Variants in FAM227B observed in about 807,000 individuals in gnomAD.
FAM227B encodes family with sequence similarity 227 member B.
A neutral mutation model predicts 73.8 loss-of-function variants in FAM227B; 88 were observed. The ratio of observed to expected loss-of-function variants is 1.19; its 90% CI spans 1.00 to 1.42. The LOEUF is 1.42. Ranked by LOEUF, FAM227B falls within the 40% of genes most tolerant of loss-of-function variation. FAM227B has a pLI of 0.00. For missense variants in FAM227B, 632 were observed against 590.9 expected, an observed-to-expected ratio of 1.07 and a Z score of -0.72; for synonymous variants, 210 against 190.5, an observed-to-expected ratio of 1.10 and a Z score of -0.84.
At chr15:49,355,713 A>C (rs2043038572) in intron 13 of FAM227B, among the ~76,000 whole-genome samples, 1 of 151,016 alleles carries the variant, frequency 6.6e-6, no homozygotes, top group Admixed American at 6.6e-5. Flanking sequence ...AGGCAGGCCA[A>C]CGTTCAGATT....
At chr15:49,476,596 T>C (rs947539762) in intron 11 of FAM227B, among the ~76,000 whole-genome samples, 7 of 131,282 alleles carry the variant, frequency 5.3e-5, no homozygotes, top group Admixed American at 1.6e-4. Context: ...ACATTTTTAA[T>C]AGTAATTAAT....
At chr15:49,472,409 G>C (rs1206446821) in intron 11 of FAM227B, among the ~76,000 whole-genome samples, 1 of 152,080 alleles carries the variant, frequency 6.6e-6, no homozygotes, top group African/African-American at 2.4e-5. Flanking sequence ...GCTTCTGCTG[G>C]GTACCTTTTA....
Position 49,516,453 on chromosome 15 carries a change from T to C in FAM227B, c.875-8105A>G, listed in dbSNP as rs552666707. Among the ~76,000 whole-genome samples, 27 of 152,096 alleles carry C rather than the reference T, an allele frequency of 1.8e-4. No homozygotes were observed. The South Asian group carries it at 5.2e-3, about 29-fold the overall frequency. On this transcript the variant is annotated intron_variant, in intron 10 of 15. Transcript: ENST00000299338. ...CTGCTTGGTGGCTACTTTTTAAAAA[T>C]AGATTTTGGATTGGTGCCTACAACT...
At chr15:49,440,118 T>C (rs557423970) in intron 11 of FAM227B, among the ~76,000 whole-genome samples, 2 of 151,890 alleles carry the variant, frequency 1.3e-5, no homozygotes, top group East Asian at 3.9e-4. Flanking sequence ...ACATCACGAA[T>C]TAGTGGCAGT....
intron 11 of FAM227B, among the ~76,000 whole-genome samples, chr15:49,432,895 C>G (rs559686370): frequency 5.3e-5 from 8 of 151,404 alleles, no homozygotes; most frequent in Non-Finnish European, 8.9e-5. Context: ...TTTGGGCCAC[C>G]GATAAACTAA....
Position 49,331,863 on chromosome 15 carries a change from A to G in FAM227B, c.1350-14T>C. ...TTTGCTTGGAGTCTAATCATGGAAT[A>G]AAGAAAATCAGTAACCAAACTAATT... On this transcript the variant is annotated splice_polypyrimidine_tract_variant and intron_variant, in intron 14 of 15. Transcript: ENST00000299338. 1.3e-6 allele frequency: 2 copies of G among 1,548,314 alleles called. No individual in the cohort carries two copies. The highest frequency in any genetic ancestry group is 4.5e-5 in the East Asian group (2 of 44,568).
chr15:49,371,086 A>G (rs1447687105), intron 12 of FAM227B, among the ~76,000 whole-genome samples: 1 of 152,112 alleles, frequency 6.6e-6, no homozygotes, highest in Admixed American at 6.5e-5. Flanking sequence ...ATATTATGAT[A>G]TTTTTCATTA....
chr15:49,573,004 CT>C (rs1448108392), intron 8 of FAM227B, among the ~76,000 whole-genome samples: 1 of 150,092 alleles, frequency 6.7e-6, no homozygotes, highest in Non-Finnish European at 1.5e-5. Flanking sequence ...TCTTTTTCCA[CT>C]TTCTTAAGGT....
At chr15:49,594,186 G>A (rs1230015500) in intron 3 of FAM227B, among the ~76,000 whole-genome samples, 1 of 152,036 alleles carries the variant, frequency 6.6e-6, no homozygotes, top group Non-Finnish European at 1.5e-5. Context: ...ATGATGTTGA[G>A]CATTTTTTTC....
At chr15:49,512,165 TA>T (rs1200414788) in intron 10 of FAM227B, among the ~76,000 whole-genome samples, 3 of 152,176 alleles carry the variant, frequency 2.0e-5, no homozygotes, top group African/African-American at 7.2e-5. Context: ...AAAGACTTCC[TA>T]TTTTTTGATC....
At chr15:49,381,531 TTA>T (rs1245640973) in intron 11 of FAM227B, among the ~76,000 whole-genome samples, 2 of 152,212 alleles carry the variant, frequency 1.3e-5, no homozygotes, top group African/African-American at 4.8e-5. Flanking sequence ...CATGTAAAAA[TTA>T]TTTTTTGTTA....
At chr15:49,589,089 A>G (rs1049717334) in intron 4 of FAM227B, among the ~76,000 whole-genome samples, 4 of 152,174 alleles carry the variant, frequency 2.6e-5, no homozygotes, top group Non-Finnish European at 5.9e-5. Flanking sequence ...ATACAATTAG[A>G]TAAGAAAAAT....
At chr15:49,480,644 G>C (rs1321820550) in intron 11 of FAM227B, among the ~76,000 whole-genome samples, 1 of 151,940 alleles carries the variant, frequency 6.6e-6, no homozygotes, top group South Asian at 2.1e-4. Flanking sequence ...ACCACACCCG[G>C]ATAATTTTTT....
At chr15:49,606,697 T>A (rs1443515156) in intron 3 of FAM227B, among the ~76,000 whole-genome samples, 2 of 152,226 alleles carry the variant, frequency 1.3e-5, no homozygotes, top group Non-Finnish European at 2.9e-5. Context: ...TCACCATTGT[T>A]GGGCTCAGAA....
chr15:49,465,027 C>T (rs1245317412), intron 11 of FAM227B, among the ~76,000 whole-genome samples: 1 of 152,056 alleles, frequency 6.6e-6, no homozygotes, highest in Non-Finnish European at 1.5e-5. Context: ...AGTTAAGAAA[C>T]TATAATGGAC....
intron 2 of FAM227B, among the ~76,000 whole-genome samples, chr15:49,613,409 G>A (rs577484515): frequency 2.6e-4 from 40 of 152,188 alleles, no homozygotes; most frequent in African/African-American, 9.6e-4. Flanking sequence ...GCTGAGGTGA[G>A]AGAATCGCTT....
chr15:49,588,022 CT>C lies in FAM227B; in HGVS notation c.398del (p.Lys133ArgfsTer2), dbSNP rs745700824. On this transcript the variant is annotated frameshift_variant, in exon 5 of 16. Coordinates refer to ENST00000299338, the MANE Select transcript of FAM227B (RefSeq NM_152647.3). LOFTEE classifies it high-confidence loss of function. ...EFLKKYHKKK[K>X]IMLSDEMETE... ...AAAAACATAGATACCATACCATTAT[CT>C]TTTTTTTCTTATGGTACTTCTTTAG... 42 of 1,449,882 alleles carry C rather than the reference CT, an allele frequency of 2.9e-5. No individual in the cohort carries two copies. Among genetic ancestry groups the C allele is most frequent in the Middle Eastern group, 1.9e-4 (1 of 5,364 alleles). The allele number at this position is 1,449,882 out of a possible 1,614,324, so 89.8% of individuals were successfully genotyped here. A position where few individuals can be genotyped will look rare whatever the true frequency, so the allele number is the denominator to read the frequency against.
At chr15:49,420,958 G>A (rs922751566) in intron 11 of FAM227B, among the ~76,000 whole-genome samples, 1 of 152,066 alleles carries the variant, frequency 6.6e-6, no homozygotes, top group African/African-American at 2.4e-5. Context: ...CATCCGCCTC[G>A]GCCTCCCAAA....
At chr15:49,442,301 G>A (rs76403592) in intron 11 of FAM227B, among the ~76,000 whole-genome samples, 1 of 151,506 alleles carries the variant, frequency 6.6e-6, no homozygotes, top group East Asian at 2.0e-4. Flanking sequence ...TTTCTTCTCA[G>A]TATCTACCCA....
Sources: allele counts gnomAD v4.1 joint callset (sites outside exome capture counted in the v4.1 genomes callset), GRCh38; gene constraint gnomAD v4.1.1; transcripts MANE v1.5; gene names NCBI Gene and HGNC (gene_info 2026-07-23, HGNC 2026-07-21).